The following RELN variants were observed in gnomAD, a reference collection of about 807,000 sequenced individuals.
The protein encoded by RELN is reelin.
In RELN, 108 loss-of-function variants were observed where a neutral mutation model predicts 427.6. That is an observed-to-expected ratio of 0.25 (90% confidence interval 0.22 to 0.30). RELN has a LOEUF of 0.30. Among genes scored for constraint, RELN ranks in the 10% least tolerant of loss-of-function variants. The probability of loss-of-function intolerance (pLI) is 1.00; values close to 1 mark genes in which losing one functional copy is unlikely to be tolerated. For synonymous variants in RELN, 1,524 were observed against 1,513.4 expected, an observed-to-expected ratio of 1.01 and a Z score of -0.16; for missense variants, 3,715 against 4,302.8, an observed-to-expected ratio of 0.86 and a Z score of 3.82.
chr7:103,501,023 A>C, intron 52 of RELN, 101 bp from the exon 53 acceptor site: 2 of 1,039,080 alleles, frequency 1.9e-6, no homozygotes, highest in Non-Finnish European at 3.0e-6. Context: ...AAAAACATTT[A>C]AGATACTCTT....
intron 1 of RELN, among the ~76,000 whole-genome samples, chr7:103,939,310 T>C (rs889857862): frequency 2.6e-5 from 4 of 152,188 alleles, no homozygotes; most frequent in Admixed American, 6.5e-5. Flanking sequence ...GGTATAATTT[T>C]GTAGTGATTA....
intron 10 of RELN, among the ~76,000 whole-genome samples, chr7:103,685,300 A>G (rs558005544): frequency 8.5e-5 from 13 of 152,202 alleles, no homozygotes; most frequent in Non-Finnish European, 1.6e-4. Context: ...ATATGCAATA[A>G]CAATTCAAAT....
intron 4 of RELN, among the ~76,000 whole-genome samples, chr7:103,768,938 T>C (rs1260413250): frequency 1.3e-5 from 2 of 152,228 alleles, no homozygotes; most frequent in African/African-American, 4.8e-5. Flanking sequence ...AAATGTGTGC[T>C]ATCTCTTTAC....
At chr7:103,483,946 C>G in intron 61 of RELN, 96 bp from the exon 62 acceptor site, 3 of 1,207,002 alleles carry the variant, frequency 2.5e-6, no homozygotes, top group Non-Finnish European at 3.5e-6. Flanking sequence ...GTGGTGTGAT[C>G]TCGGCTCACT....
chr7:103,756,406 T>C (rs186634292), intron 4 of RELN, among the ~76,000 whole-genome samples: 3 of 152,352 alleles, frequency 2.0e-5, no homozygotes, highest in Admixed American at 2.0e-4. Context: ...CTTATTTTTA[T>C]AGCATGCTGA....
intron 4 of RELN, among the ~76,000 whole-genome samples, chr7:103,773,223 C>T (rs139646578): frequency 0.16 from 17,861 of 112,776 alleles, 2,546 homozygotes; most frequent in East Asian, 0.25. Context: ...CTCTCCCTCC[C>T]TCCCTCGCTC....
intron 30 of RELN, 89 bp from the exon 31 acceptor site, chr7:103,572,349 C>G: frequency 2.7e-6 from 2 of 751,540 alleles, no homozygotes; most frequent in Non-Finnish European, 4.8e-6. Context: ...AAAAAACCCT[C>G]CTGTATTTAT....
intron 6 of RELN, among the ~76,000 whole-genome samples, chr7:103,732,801 G>C (rs188748983): frequency 1.3e-5 from 2 of 152,214 alleles, no homozygotes; most frequent in Admixed American, 6.6e-5. Flanking sequence ...AGTGCAGTGA[G>C]GTATTTAACC....
intron 11 of RELN, among the ~76,000 whole-genome samples, chr7:103,665,501 T>G (rs1833245017): frequency 6.6e-6 from 1 of 152,150 alleles, no homozygotes; most frequent in Admixed American, 6.5e-5. Context: ...TCCTAATGAA[T>G]GTTAGAATCA....
intron 3 of RELN, among the ~76,000 whole-genome samples, chr7:103,827,161 G>A (rs1346513376): frequency 6.6e-6 from 1 of 151,936 alleles, no homozygotes; most frequent in East Asian, 1.9e-4. Flanking sequence ...TCTTTGGACT[G>A]TCGTTAAAAA....
intron 6 of RELN, among the ~76,000 whole-genome samples, chr7:103,738,111 T>C (rs962180127): frequency 6.7e-6 from 1 of 149,492 alleles, no homozygotes; most frequent in South Asian, 2.2e-4. Flanking sequence ...TCTGTTGTCA[T>C]CTAGTTGCCA....
intron 3 of RELN, among the ~76,000 whole-genome samples, chr7:103,777,916 A>ACACAG (rs1791787067): frequency 2.2e-5 from 1 of 45,294 alleles, no homozygotes; most frequent in Non-Finnish European, 4.7e-5. Context: ...CACACACACA[A>ACACAG]TGGCACAATA....
At chr7:103,817,967 GA>G (rs1362719256) in intron 3 of RELN, among the ~76,000 whole-genome samples, 12 of 112,742 alleles carry the variant, frequency 1.1e-4, no homozygotes, top group Non-Finnish European at 2.1e-4. Flanking sequence ...AAAAAGAAAA[GA>G]AAAAAAGTGA....
chr7:103,833,927 C>A (rs1224168033), intron 2 of RELN, among the ~76,000 whole-genome samples: 1 of 152,104 alleles, frequency 6.6e-6, no homozygotes, highest in African/African-American at 2.4e-5. Context: ...ATTGATTGAT[C>A]TTTGCCTATC....
chr7:103,752,639 A>G (rs652522), intron 5 of RELN, among the ~76,000 whole-genome samples: 89,896 of 151,830 alleles, frequency 0.59, 27,098 homozygotes, highest in African/African-American at 0.65. Flanking sequence ...GGTCTTAAAC[A>G]CCTGGTCTCA....
At chr7:103,823,782 C>T (rs1364874657) in intron 3 of RELN, among the ~76,000 whole-genome samples, 1 of 152,046 alleles carries the variant, frequency 6.6e-6, no homozygotes, top group East Asian at 1.9e-4. Flanking sequence ...TTTCTTGTAT[C>T]CTACACCTTC....
intron 8 of RELN, among the ~76,000 whole-genome samples, chr7:103,705,200 T>G (rs544967658): frequency 4.3e-4 from 66 of 152,302 alleles, no homozygotes; most frequent in African/African-American, 1.6e-3. Context: ...ATCAGCCAAT[T>G]AACATATCCA....
chr7:103,827,307 T>TA (rs1311079275), intron 3 of RELN, among the ~76,000 whole-genome samples: 1 of 151,960 alleles, frequency 6.6e-6, no homozygotes, highest in Non-Finnish European at 1.5e-5. Flanking sequence ...CTGTGCTGTT[T>TA]ATACCATGAC....
chr7:103,607,702 CAT>C (rs1831851176), intron 22 of RELN, among the ~76,000 whole-genome samples: 1 of 152,166 alleles, frequency 6.6e-6, no homozygotes, highest in South Asian at 2.1e-4. Flanking sequence ...ATCATCTCTT[CAT>C]AGTTATGTTA....
Sources: gnomAD v4.1 joint callset for allele counts (sites outside exome capture counted in the v4.1 genomes callset) on GRCh38, gnomAD v4.1.1 for gene constraint, MANE v1.5 for transcripts, NCBI Gene and HGNC (gene_info 2026-07-23, HGNC 2026-07-21) for gene names.